USP7: variants seen among roughly 807,000 people sequenced by gnomAD.
The protein encoded by USP7 is ubiquitin specific peptidase 7.
USP7 carries 9 observed loss-of-function variants against 162.9 expected under a neutral mutation model. That is an observed-to-expected ratio of 0.06 (90% CI 0.03 to 0.10). The LOEUF (loss-of-function observed/expected upper bound fraction) is 0.10. Among genes scored for constraint, USP7 ranks in the 10% least tolerant of loss-of-function variants. The probability of loss-of-function intolerance (pLI) is 1.00; values close to 1 mark genes in which losing one functional copy is unlikely to be tolerated. For synonymous variants in USP7, 562 were observed against 475.9 expected, an observed-to-expected ratio of 1.18 and a Z score of -2.35; for missense variants, 715 against 1,373.7, an observed-to-expected ratio of 0.52 and a Z score of 7.58.
intron 1 of USP7, among the ~76,000 whole-genome samples, chr16:8,939,710 T>C (rs1898944478): frequency 1.3e-5 from 2 of 152,228 alleles, no homozygotes; most frequent in South Asian, 2.1e-4. Flanking sequence ...TCGTGCACTT[T>C]TTCTCATGAA....
intron 2 of USP7, among the ~76,000 whole-genome samples, chr16:8,926,993 CA>C (rs1436247671): frequency 6.6e-6 from 1 of 152,116 alleles, no homozygotes; most frequent in African/African-American, 2.4e-5. Context: ...GGGCAAAGGC[CA>C]ATAGACCAGC....
At position 8,962,608 on chromosome 16, in the gene USP7, G is replaced by A. The variant is rs1338973187; in HGVS notation, c.79+599C>T. On this transcript the variant is annotated intron_variant, in intron 1 of 30. Coordinates refer to ENST00000344836, the MANE Select transcript of USP7 (RefSeq NM_003470.3). ...GTACAAACTCCCCGAAAAACAGGTG[G>A]ATTCGGAAACCAACAGCGCCCGGGT... is the stretch of plus-strand genomic sequence containing the variant. 1.3e-5 allele frequency: 4 copies of A among 305,002 alleles called. No homozygotes were observed. The East Asian group carries it at 2.6e-4, about 20-fold the overall frequency. 18.9% of individuals were successfully genotyped at this position (305,002 alleles called of 1,614,324 possible).
intron 15 of USP7, 92 bp from the exon 16 acceptor site, chr16:8,903,494 C>T: frequency 1.4e-6 from 2 of 1,399,492 alleles, no homozygotes; most frequent in Non-Finnish European, 1.9e-6. Context: ...ACGCTGAAAA[C>T]TCATTTTTTG....
chr16:8,948,782 C>T (rs140079504), intron 1 of USP7, among the ~76,000 whole-genome samples: 7 of 152,118 alleles, frequency 4.6e-5, no homozygotes, highest in African/African-American at 1.4e-4. Flanking sequence ...GAAAACACAG[C>T]GAAACCCCGT....
chr16:8,919,962 A>C (rs1443046557), intron 5 of USP7, among the ~76,000 whole-genome samples: 1 of 152,076 alleles, frequency 6.6e-6, no homozygotes, highest in African/African-American at 2.4e-5. Context: ...GTTGTCGGTG[A>C]TGCTCACCTC....
At chr16:8,947,938 C>T (rs1443240789) in intron 1 of USP7, among the ~76,000 whole-genome samples, 3 of 152,156 alleles carry the variant, frequency 2.0e-5, no homozygotes, top group Non-Finnish European at 4.4e-5. Flanking sequence ...CTGGGGATTT[C>T]TCTGTCTCCA....
chr16:8,920,594 G>A, intron 4 of USP7, 147 bp from the exon 5 acceptor site: 1 of 696,138 alleles, frequency 1.4e-6, no homozygotes, highest in South Asian at 2.1e-5. Flanking sequence ...ATTTTAGACT[G>A]TTTCAATTTT....
chr16:8,947,550 G>T (rs940968868), intron 1 of USP7, among the ~76,000 whole-genome samples: 2 of 152,166 alleles, frequency 1.3e-5, no homozygotes, highest in African/African-American at 4.8e-5. Flanking sequence ...GTTTCACCAT[G>T]TTGCCCAGGC....
intron 5 of USP7, among the ~76,000 whole-genome samples, chr16:8,919,618 AT>A (rs552672189): frequency 4.6e-5 from 7 of 151,922 alleles, no homozygotes; most frequent in Non-Finnish European, 1.0e-4. Context: ...TTATTTTGTG[AT>A]TTTGGTGGTT....
At chr16:8,896,137 CTTTTTTTTTTTTT>C (rs60467243) in intron 26 of USP7, among the ~76,000 whole-genome samples, 4 of 126,138 alleles carry the variant, frequency 3.2e-5, no homozygotes, top group Non-Finnish European at 6.6e-5. Context: ...CCATGCCCAG[CTTTTTTTTTTTTT>C]TTTTTTTTTA....
intron 18 of USP7, 145 bp downstream of exon 18, chr16:8,901,934 TTCA>T (rs1567210222): frequency 2.9e-6 from 2 of 700,100 alleles, no homozygotes; most frequent in Non-Finnish European, 4.7e-6. Context: ...CTTATTTGAC[TTCA>T]TCAGGAAGTC....
chr16:8,963,185 G>A, intron 1 of USP7, 22 bp downstream of exon 1: 1 of 1,401,702 alleles, frequency 7.1e-7, no homozygotes, highest in South Asian at 1.3e-5. Context: ...CGGCCCCGCC[G>A]CGGCCGGCCC....
At chr16:8,950,011 G>A (rs1025846685) in intron 1 of USP7, among the ~76,000 whole-genome samples, 1 of 152,216 alleles carries the variant, frequency 6.6e-6, no homozygotes, top group African/African-American at 2.4e-5. Flanking sequence ...ACCAACCATA[G>A]AAGCCAGGAG....
intron 1 of USP7, among the ~76,000 whole-genome samples, chr16:8,947,563 G>T (rs753249872): frequency 3.9e-5 from 6 of 152,206 alleles, no homozygotes; most frequent in Middle Eastern, 3.4e-3. Flanking sequence ...GCCCAGGCTC[G>T]TCTCGAACTT....
intron 25 of USP7, 110 bp downstream of exon 25, chr16:8,898,250 T>G: frequency 1.1e-6 from 1 of 935,238 alleles, no homozygotes; most frequent in Non-Finnish European, 1.6e-6. Context: ...TCATGTGCTG[T>G]TGTTTAGAGT....
intron 26 of USP7, 39 bp downstream of exon 26, chr16:8,896,960 C>G (rs746945723): frequency 1.3e-6 from 2 of 1,528,082 alleles, no homozygotes; most frequent in South Asian, 1.1e-5. Context: ...ACTGCCACCC[C>G]TAACTGAACG....
intron 4 of USP7, 126 bp from the exon 5 acceptor site, chr16:8,920,573 C>T (rs184366588): frequency 0.012 from 9,793 of 783,570 alleles, 78 homozygotes; most frequent in Non-Finnish European, 0.016. Context: ...TACATCCCAA[C>T]TTTTTTGCTA....
chr16:8,940,623 G>C (rs1161278566), intron 1 of USP7, among the ~76,000 whole-genome samples: 1 of 152,142 alleles, frequency 6.6e-6, no homozygotes, highest in African/African-American at 2.4e-5. Context: ...AGGGACGATG[G>C]TGGCAGCCAA....
chr16:8,935,352 G>C (rs551499177), intron 1 of USP7, among the ~76,000 whole-genome samples: 1 of 152,062 alleles, frequency 6.6e-6, no homozygotes, highest in Admixed American at 6.6e-5. Context: ...TGGGATTACA[G>C]GCACCTGCCA....
Sources: allele counts gnomAD v4.1 joint callset (sites outside exome capture counted in the v4.1 genomes callset), GRCh38; gene constraint gnomAD v4.1.1; transcripts MANE v1.5; gene names NCBI Gene and HGNC (gene_info 2026-07-23, HGNC 2026-07-21).